Variants in KIR3DL3 observed in about 807,000 individuals in gnomAD.
The protein encoded by KIR3DL3 is killer cell immunoglobulin-like receptor 3DL3.
A neutral mutation model predicts 34.9 loss-of-function variants in KIR3DL3; 27 were observed. The ratio of observed to expected loss-of-function variants is 0.77; its 90% confidence interval spans 0.57 to 1.07. The LOEUF (loss-of-function observed/expected upper bound fraction) is 1.07. KIR3DL3 is among the 50% of genes least tolerant of loss of function. The probability of loss-of-function intolerance (pLI) is 0.00; values close to 1 mark genes in which losing one functional copy is unlikely to be tolerated. For missense variants in KIR3DL3, 681 were observed against 528.5 expected, an observed-to-expected ratio of 1.29 and a Z score of -2.83; for synonymous variants, 217 against 200.2, an observed-to-expected ratio of 1.08 and a Z score of -0.71.
rs2075730 is a variant in KIR3DL3, at chr19:54,726,033, G to A, written c.71-20G>A. 0.69 allele frequency: 1,038,042 copies of A among 1,510,016 alleles called. 352,932 individuals carry two copies. The highest frequency in any genetic ancestry group is 0.73 in the Admixed American group (42,221 of 57,468). The allele number at this position is 1,510,016 out of a possible 1,614,324, so 93.5% of individuals were successfully genotyped here. On this transcript the variant is annotated intron_variant, in intron 2 of 7. Transcript: ENST00000291860. ...GGCTCCACATCCTCCTCTCTAAGGT[G>A]GTGCCTCCTTCTCCCCCAGGTGGTC...
intron 6 of KIR3DL3, 109 bp from the exon 7 acceptor site, chr19:54,735,711 T>G: frequency 7.9e-7 from 1 of 1,267,162 alleles, no homozygotes; most frequent in East Asian, 2.3e-5. Context: ...TGTTGGCAAC[T>G]GAGGGACCTC....
At chr19:54,728,445 TG>T (rs1365061188) in intron 4 of KIR3DL3, among the ~76,000 whole-genome samples, 4 of 146,938 alleles carry the variant, frequency 2.7e-5, no homozygotes, top group African/African-American at 1.0e-4. Context: ...CACCAACCCC[TG>T]TATGCTGTGA....
At position 54,735,294 on chromosome 19, in the gene KIR3DL3, G is replaced by A. The variant is rs761783281; in HGVS notation, c.991G>A (p.Val331Ile). 2.0e-6 allele frequency: 3 copies of A among 1,527,238 alleles called. No individual in the cohort carries two copies. The highest frequency in any genetic ancestry group is 2.7e-6 in the Non-Finnish European group (3 of 1,107,220). The allele number at this position is 1,527,238 out of a possible 1,614,324, so 94.6% of individuals were successfully genotyped here. ...GCACGTTCTGATTGGGACCTCAGTG[G>A]TCATCATCCCCTTTGCTATCCTCCT... ...NLHVLIGTSV[V>I]IIPFAILLFF... Residue 331 changes from valine to isoleucine, a missense_variant, in exon 6 of 8, where the codon GTC becomes ATC. Val to Ile is a conservative substitution (Grantham distance 29, BLOSUM62 3). Coordinates refer to ENST00000291860, the MANE Select transcript of KIR3DL3 (RefSeq NM_153443.5).
rs1453867570 is a variant in KIR3DL3 at position 54,729,907 on chromosome 19, A to T, written c.949+121A>T. 5.7e-5 allele frequency: 47 copies of T among 820,478 alleles called. No homozygotes were observed. The African/African-American group carries it at 7.1e-4, about 12-fold the overall frequency. The allele number at this position is 820,478 out of a possible 1,614,324, so 50.8% of individuals were successfully genotyped here. A position where few individuals can be genotyped will look rare whatever the true frequency, so the allele number is the denominator to read the frequency against. On this transcript the variant is annotated intron_variant, in intron 5 of 7. Coordinates refer to ENST00000291860, the MANE Select transcript of KIR3DL3 (RefSeq NM_153443.5). The stretch of plus-strand genomic sequence containing the variant: ...GAGACAGAACACACAGCATGGGTGT[A>T]AGGGCGGGGTCAGGGCGCAGGATGG...
At position 54,726,206 on chromosome 19, in the gene KIR3DL3, TA is replaced by T. The variant is rs2068154583; in HGVS notation, c.225del (p.Phe76SerfsTer10). 1 of 1,613,654 alleles carries T rather than the reference TA, an allele frequency of 6.2e-7. No individual in the cohort carries two copies. Among genetic ancestry groups the T allele is most frequent in the Non-Finnish European group, 8.5e-7 (1 of 1,179,874 alleles). On this transcript the variant is annotated frameshift_variant, in exon 3 of 8. Coordinates refer to ENST00000291860, the MANE Select transcript of KIR3DL3 (RefSeq NM_153443.5). LOFTEE classifies it high-confidence loss of function. ...CCTGTCCCTGAGCTCTACAACAGAA[TA>T]TTCCGGAACAGCTTTCTCATGGGCC... ...GMPVPELYNRIFRNSFLMGPV... is the reference protein window; with the variant it reads ...GMPVPELYNRXFRNSFLMGPV...
At chr19:54,731,726 G>A (rs1246348391) in intron 5 of KIR3DL3, among the ~76,000 whole-genome samples, 3 of 151,984 alleles carry the variant, frequency 2.0e-5, no homozygotes, top group African/African-American at 7.3e-5. Context: ...AGGCTCCCAC[G>A]TTCCTGGGCC....
chr19:54,725,276 C>A lies in KIR3DL3; in HGVS notation c.64C>A (p.His22Asn). The A allele has an allele frequency of 6.3e-7, 1 of 1,589,356 alleles. No homozygotes were observed. The highest frequency in any genetic ancestry group is 8.6e-7 in the Non-Finnish European group (1 of 1,166,544). The change falls in exon 2 of 8, where the codon CAT becomes AAT. Residue 22 changes from histidine (H) to asparagine (N), a missense_variant. Transcript: ENST00000291860. Reference sequence around the variant, plus strand: ...CTTCTTGCTGGAGGGGCCCTGGCCACATGTGGGTGAGTCCTTCCCCCAAAC... The same window carrying A: ...CTTCTTGCTGGAGGGGCCCTGGCCAAATGTGGGTGAGTCCTTCCCCCAAAC... The part of the protein sequence containing the change: ...GFFLLEGPWP[H>N]VGGQDKPFLS...
In KIR3DL3 at chr19:54,727,778, G is replaced by T. The variant is rs1407911474; in HGVS notation, c.523G>T (p.Gly175Cys). ...LRLVGQLHDA[G>C]SQVNYSMGPM... ...CCTCGTTGGACAGCTCCACGATGCG[G>T]GTTCCCAGGTCAACTATTCCATGGG... The change falls in exon 4 of 8, where the codon GGT (glycine) becomes TGT (cysteine). Residue 175 changes from glycine to cysteine, a missense_variant. Physicochemically the swap from Gly to Cys is radical, Grantham distance 159. Transcript: ENST00000291860. 1.2e-6 allele frequency: 2 copies of T among 1,613,614 alleles called. No homozygotes were observed. Among genetic ancestry groups the T allele is most frequent in the Admixed American group, 1.7e-5 (1 of 59,944 alleles).
At chr19:54,733,930 G>A (rs751746062) in intron 5 of KIR3DL3, among the ~76,000 whole-genome samples, 140 of 152,070 alleles carry the variant, frequency 9.2e-4, no homozygotes, top group Non-Finnish European at 1.6e-3. Context: ...GTCACATTTC[G>A]TACTAACTCA....
At chr19:54,727,583 C>A in intron 3 of KIR3DL3, 28 bp from the exon 4 acceptor site, 1 of 1,601,860 alleles carries the variant, frequency 6.2e-7, no homozygotes, top group Non-Finnish European at 8.5e-7. Context: ...AGGGAGACGC[C>A]TTCTGAACTC....
chr19:54,729,235 C>G (rs2146798958), intron 4 of KIR3DL3, among the ~76,000 whole-genome samples: 1 of 151,428 alleles, frequency 6.6e-6, no homozygotes, highest in East Asian at 2.0e-4. Context: ...TCAAGTCAAC[C>G]AGTCCAAGGA....
intron 5 of KIR3DL3, 24 bp downstream of exon 5, chr19:54,729,810 CA>C: frequency 6.3e-7 from 1 of 1,586,180 alleles, no homozygotes; most frequent in Non-Finnish European, 8.6e-7. Flanking sequence ...ATGCCTGTCC[CA>C]TGTCTTGTGA....
intron 5 of KIR3DL3, among the ~76,000 whole-genome samples, chr19:54,731,159 C>G (rs2146823222): frequency 6.6e-6 from 1 of 152,030 alleles, no homozygotes; most frequent in African/African-American, 2.4e-5. Flanking sequence ...GCTCCCACCA[C>G]CACACTCGGC....
At position 54,729,537 on chromosome 19, in the gene KIR3DL3, G is replaced by C; in HGVS notation, c.700G>C (p.Val234Leu). The part of the protein sequence containing the change: ...PSLSAQPGPT[V>L]QAGENVTLSC... ...TCTCTCAGCCCAGCCGGGCCCCACG[G>C]TTCAGGCAGGAGAGAATGTGACCTT... is the stretch of plus-strand genomic sequence containing the variant. The change falls in exon 5 of 8, where the codon GTT (valine) becomes CTT (leucine). Residue 234 changes from valine (V) to leucine (L), a missense_variant. Physicochemically the swap from Val to Leu is conservative, Grantham distance 32. Coordinates refer to ENST00000291860, the MANE Select transcript of KIR3DL3 (RefSeq NM_153443.5). The C allele has an allele frequency of 1.2e-6, 2 of 1,606,852 alleles. No individual in the cohort carries two copies. Among genetic ancestry groups the C allele is most frequent in the Non-Finnish European group, 1.7e-6 (2 of 1,178,478 alleles).
chr19:54,727,332 AC>A (rs774298329), intron 3 of KIR3DL3, among the ~76,000 whole-genome samples: 7,061 of 127,988 alleles, frequency 0.055, 330 homozygotes, highest in Middle Eastern at 0.11. Flanking sequence ...CCACATAAAC[AC>A]CAGGAAAGAG....
In KIR3DL3 at chr19:54,727,793, T is replaced by A; in HGVS notation, c.538T>A (p.Tyr180Asn). The change falls in exon 4 of 8, where the codon TAT becomes AAT. Residue 180 changes from tyrosine (Y) to asparagine (N), a missense_variant. Coordinates refer to ENST00000291860, the MANE Select transcript of KIR3DL3 (RefSeq NM_153443.5). The stretch of plus-strand genomic sequence containing the variant: ...CCACGATGCGGGTTCCCAGGTCAAC[T>A]ATTCCATGGGTCCCATGACACCTGC... ...QLHDAGSQVN[Y>N]SMGPMTPALA... 1.2e-6 allele frequency: 2 copies of A among 1,613,832 alleles called. No homozygotes were observed. Among genetic ancestry groups the A allele is most frequent in the South Asian group, 1.1e-5 (1 of 91,070 alleles).
intron 1 of KIR3DL3, among the ~76,000 whole-genome samples, chr19:54,724,895 AAC>A (rs2067979942): frequency 8.5e-6 from 1 of 118,198 alleles, no homozygotes; most frequent in Admixed American, 8.5e-5. Flanking sequence ...ATGGGCCTGG[AAC>A]TGTAGATATG....
chr19:54,726,570 A>G (rs74368772), intron 3 of KIR3DL3, among the ~76,000 whole-genome samples: 94,633 of 136,392 alleles, frequency 0.69, 33,506 homozygotes, highest in Middle Eastern at 0.74. Context: ...GGGACTGAAG[A>G]GGAAGATGGA....
At chr19:54,735,122 G>A (rs1426012341) in intron 5 of KIR3DL3, 131 bp from the exon 6 acceptor site, 6 of 749,928 alleles carry the variant, frequency 8.0e-6, no homozygotes, top group Non-Finnish European at 1.4e-5. Flanking sequence ...AGGAAGCTAG[G>A]TCTCCCGCCA....
Sources: allele counts gnomAD v4.1 joint callset (sites outside exome capture counted in the v4.1 genomes callset), GRCh38; gene constraint gnomAD v4.1.1; transcripts MANE v1.5; gene names NCBI Gene and HGNC (gene_info 2026-07-23, HGNC 2026-07-21).